Variants in KDM6A observed in about 807,000 individuals in gnomAD.
KDM6A encodes the protein lysine-specific demethylase 6A.
Under a neutral mutation model 117.6 loss-of-function variants are expected in KDM6A, and 11 were observed. The ratio of observed to expected loss-of-function variants is 0.09; its 90% CI spans 0.06 to 0.15. The LOEUF is 0.15. Among genes scored for constraint, KDM6A ranks in the 10% least tolerant of loss-of-function variants. KDM6A has a pLI of 1.00. For synonymous variants in KDM6A, 384 were observed against 396.1 expected, an observed-to-expected ratio of 0.97 and a Z score of 0.36; for missense variants, 799 against 1,077.3, an observed-to-expected ratio of 0.74 and a Z score of 3.62.
intron 2 of KDM6A, 68 bp from the exon 3 acceptor site, chrX:44,961,216 A>G: frequency 1.3e-6 from 1 of 787,204 alleles, no homozygotes; most frequent in South Asian, 2.2e-5. Context: ...TATATGCATT[A>G]TCTTGGGGAG....
intron 8 of KDM6A, among the ~76,000 whole-genome samples, chrX:45,048,260 C>G (rs1340181147): frequency 9.2e-6 from 1 of 108,860 alleles, no homozygotes; most frequent in Non-Finnish European, 1.9e-5. Context: ...TGAAATTTTC[C>G]TGATCTTCAT....
At position 45,078,479 on chromosome X, in the gene KDM6A, G is replaced by A. The variant is rs1243685847; in HGVS notation, c.3068G>A (p.Arg1023His). 6 of 1,208,147 alleles carry A rather than the reference G, an allele frequency of 5.0e-6. No homozygotes were observed. The highest frequency in any genetic ancestry group is 2.2e-5 in the Admixed American group (1 of 45,858). The stretch of plus-strand genomic sequence containing the variant: ...CCGAACAACCCTGTTACAGTAATAC[G>A]TGGCCTTGCTGGAGCTCTTAAGTTA... ...TNPNNPVTVI[R>H]GLAGALKLDL... Residue 1023 changes from arginine (R) to histidine (H), a missense_variant, in exon 20 of 30, where the codon CGT becomes CAT. Arg to His is a conservative substitution (Grantham distance 29). This residue lies in a region of KDM6A where 291 missense variants were observed against 437.9 expected (regional missense o/e 0.66). Coordinates refer to ENST00000611820, the MANE Select transcript of KDM6A (RefSeq NM_001291415.2).
intron 2 of KDM6A, among the ~76,000 whole-genome samples, chrX:44,924,766 A>G (rs1301741409): frequency 2.7e-5 from 3 of 109,886 alleles, no homozygotes; most frequent in Non-Finnish European, 5.7e-5. Context: ...ATGTCTCATT[A>G]TAGCCTTTAC....
At chrX:44,899,035 G>T (rs972845320) in intron 2 of KDM6A, among the ~76,000 whole-genome samples, 3 of 100,940 alleles carry the variant, frequency 3.0e-5, no homozygotes, top group Non-Finnish European at 4.0e-5. Flanking sequence ...GTGTGTGTGT[G>T]TGTTTGTTTG....
At chrX:45,109,138 T>TAATA (rs1174868830) in intron 28 of KDM6A, among the ~76,000 whole-genome samples, 362 of 91,549 alleles carry the variant, frequency 4.0e-3, no homozygotes, top group African/African-American at 6.7e-3. Flanking sequence ...ATAATAATAA[T>TAATA]AATAAATAAA....
At position 45,021,104 on chromosome X, in the gene KDM6A, C is replaced by G. The variant is rs760988179; in HGVS notation, c.564+374C>G. 1.5e-3 allele frequency among the ~76,000 whole-genome samples: 166 copies of G among 111,195 alleles called. 1 individual carries two copies. Among genetic ancestry groups the G allele is most frequent in the Non-Finnish European group, 2.5e-3 (133 of 52,930 alleles). The stretch of plus-strand genomic sequence containing the variant: ...TTCTGAAAGGATGTTTTTCTGTGAC[C>G]CAATCATTGACCCTGTTTCCATGGG... On this transcript the variant is annotated intron_variant, in intron 6 of 29. Transcript: ENST00000611820.
chrX:44,885,210 A>G (rs1190455700), intron 2 of KDM6A, among the ~76,000 whole-genome samples: 1 of 99,026 alleles, frequency 1.0e-5, no homozygotes, highest in Admixed American at 1.1e-4. Context: ...TTTTTTTTGT[A>G]GAGATGAGGT....
chrX:44,997,233 G>A (rs936815590), intron 4 of KDM6A, among the ~76,000 whole-genome samples: 4 of 112,266 alleles, frequency 3.6e-5, no homozygotes, highest in Non-Finnish European at 7.5e-5. Context: ...TGGAAGAATC[G>A]GATCACATGT....
intron 6 of KDM6A, among the ~76,000 whole-genome samples, chrX:45,026,906 T>C (rs1055646732): frequency 6.3e-5 from 7 of 111,652 alleles, no homozygotes; most frequent in African/African-American, 2.3e-4. Context: ...ATGCTAGCTA[T>C]TAAATTAATT....
chrX:45,100,710 ATTCTC>A (rs746713820), intron 27 of KDM6A, among the ~76,000 whole-genome samples: 5 of 111,296 alleles, frequency 4.5e-5, no homozygotes, highest in Non-Finnish European at 9.4e-5. Flanking sequence ...TTGAAAATAA[ATTCTC>A]TTCAATTTCA....
intron 2 of KDM6A, among the ~76,000 whole-genome samples, chrX:44,882,207 A>G (rs1471255282): frequency 8.9e-6 from 1 of 112,014 alleles, no homozygotes; most frequent in Admixed American, 9.5e-5. Flanking sequence ...AAAGTTTATT[A>G]GGAAAAATTT....
intron 4 of KDM6A, among the ~76,000 whole-genome samples, chrX:44,995,849 G>A (rs1056631430): frequency 4.5e-5 from 5 of 111,367 alleles, no homozygotes; most frequent in African/African-American, 1.3e-4. Flanking sequence ...TCAGCAGCAC[G>A]GGGAAGGAAG....
chrX:44,881,083 T>C (rs1003784352), intron 2 of KDM6A, among the ~76,000 whole-genome samples: 1 of 112,362 alleles, frequency 8.9e-6, no homozygotes, highest in African/African-American at 3.2e-5. Context: ...TAGCATTTCA[T>C]TGCTGACTTT....
intron 12 of KDM6A, 145 bp downstream of exon 12, chrX:45,059,611 A>G: frequency 2.1e-6 from 1 of 485,639 alleles, no homozygotes. Flanking sequence ...ATAGCTTGTA[A>G]TATTATTTTA....
intron 2 of KDM6A, among the ~76,000 whole-genome samples, chrX:44,889,480 A>T (rs187720926): frequency 2.3e-4 from 26 of 112,386 alleles, no homozygotes; most frequent in South Asian, 7.3e-4. Context: ...ATTTTTTTTT[A>T]AAATCGGCTT....
chrX:45,035,154 A>G (rs1422487612), intron 7 of KDM6A, among the ~76,000 whole-genome samples, 169 bp downstream of exon 7: 1 of 112,338 alleles, frequency 8.9e-6, no homozygotes, highest in Non-Finnish European at 1.9e-5. Context: ...AAGACCAGAT[A>G]TTGTGAACAG....
chrX:44,988,507 T>G (rs574336224), intron 4 of KDM6A, among the ~76,000 whole-genome samples: 1 of 111,205 alleles, frequency 9.0e-6, no homozygotes, highest in African/African-American at 3.3e-5. Flanking sequence ...AGTTTCCGGT[T>G]TTTCTGCTCT....
chrX:44,879,558 G>A (rs1725605611), intron 2 of KDM6A, among the ~76,000 whole-genome samples: 1 of 112,314 alleles, frequency 8.9e-6, no homozygotes, highest in South Asian at 3.6e-4. Flanking sequence ...AATTAAAACA[G>A]TATATTAATG....
chrX:45,097,590 A>C lies in KDM6A; in HGVS notation c.4034+6726A>C, dbSNP rs1051520038. 2.7e-5 allele frequency among the ~76,000 whole-genome samples: 3 copies of C among 111,443 alleles called. No individual in the cohort carries two copies. In the Admixed American group the frequency reaches 2.9e-4, roughly 11 times the overall value. On this transcript the variant is annotated intron_variant, in intron 27 of 29. Transcript: ENST00000611820. ...TATGAAAAATTTGTGGGATTATAAT[A>C]AGGGATTATGAACCTGTATTTGCAC...
Sources: gnomAD v4.1 joint callset for allele counts (sites outside exome capture counted in the v4.1 genomes callset) on GRCh38, gnomAD v4.1.1 for gene constraint, gnomAD v4.1.1 regional missense constraint, MANE v1.5 for transcripts, NCBI Gene and HGNC (gene_info 2026-07-23, HGNC 2026-07-21) for gene names.